The following PC variants were observed in gnomAD, a reference collection of about 807,000 sequenced individuals.
The protein encoded by PC is pyruvate carboxylase, also known as pyruvate carboxylase, mitochondrial.
Under a neutral mutation model 107.8 loss-of-function variants are expected in PC, and 46 were observed. The observed-to-expected ratio is 0.43, with a 90% CI of 0.34 to 0.55. PC has a LOEUF of 0.55. Ranked by LOEUF, PC falls within the 20% of genes least tolerant of loss-of-function variation. The pLI is 0.04. For missense variants in PC, 1,241 were observed against 1,643.1 expected (o/e 0.76, Z 4.23); for synonymous variants, 662 against 684.7 (o/e 0.97, Z 0.52).
intron 10 of PC, among the ~76,000 whole-genome samples, chr11:66,867,859 C>T (rs1946561120): frequency 1.3e-5 from 2 of 152,240 alleles, no homozygotes; most frequent in South Asian, 2.1e-4. Context: ...CCTCCATGCC[C>T]CCGGCGAGCC....
chr11:66,894,346 A>C (rs1324163941), intron 3 of PC, among the ~76,000 whole-genome samples: 1 of 151,436 alleles, frequency 6.6e-6, no homozygotes, highest in East Asian at 1.9e-4. Flanking sequence ...CCCTCAGAGC[A>C]CTCCCTCTAC....
At position 66,944,954 on chromosome 11, in the gene PC, C is replaced by A. The variant is rs1188924971; in HGVS notation, c.-1+7476G>T. Among the ~76,000 whole-genome samples, 2 of 117,744 alleles carry A rather than the reference C, an allele frequency of 1.7e-5. 1 individual carries two copies. Among genetic ancestry groups the A allele is most frequent in the Non-Finnish European group, 3.8e-5 (2 of 52,800 alleles). 77.2% of individuals were successfully genotyped at this position (117,744 alleles called of 152,430 possible). ...ATGCAATTCTGCATCTAGTTATCAT[C>A]CAAGACGCAGATTTCTAACAAGAAT... On this transcript the variant is annotated intron_variant, in intron 3 of 22. Coordinates refer to ENST00000393960, the MANE Select transcript of PC (RefSeq NM_001040716.2).
At chr11:66,853,477 T>TG in intron 12 of PC, 94 bp from the exon 13 acceptor site, 1 of 1,466,532 alleles carries the variant, frequency 6.8e-7, no homozygotes, top group Non-Finnish European at 9.5e-7. Flanking sequence ...CTGAAGATGC[T>TG]GCCCTGGGCC....
intron 3 of PC, among the ~76,000 whole-genome samples, chr11:66,891,909 A>C (rs1046082153): frequency 2.6e-5 from 4 of 152,106 alleles, no homozygotes; most frequent in African/African-American, 9.7e-5. Flanking sequence ...CTATTTTCTT[A>C]TGATTGTGGA....
rs751998175 is a variant in PC at position 66,850,333 on chromosome 11, C to T, written c.2605G>A (p.Gly869Ser). The change falls in exon 19 of 23, where the codon GGC becomes AGC. Residue 869 changes from glycine (G) to serine (S), a missense_variant. Coordinates refer to ENST00000393960, the MANE Select transcript of PC (RefSeq NM_001040716.2). ...SDVYENEIPG[G>S]QYTNLHFQAH... ...TGGAAGTGCAGGTTGGTGTACTGGC[C>T]CCCTGGGATCTCATTTTCATACACG... The T allele has an allele frequency of 3.7e-6, 6 of 1,614,100 alleles. No homozygotes were observed. The highest frequency in any genetic ancestry group is 2.2e-5 in the South Asian group (2 of 91,086).
intron 3 of PC, among the ~76,000 whole-genome samples, chr11:66,896,250 T>C (rs1298935254): frequency 6.6e-6 from 1 of 152,170 alleles, no homozygotes; most frequent in Non-Finnish European, 1.5e-5. Context: ...AGCTAATTTT[T>C]GTATTTTCAG....
chr11:66,887,653 C>T (rs893290290), intron 3 of PC, among the ~76,000 whole-genome samples: 1 of 152,164 alleles, frequency 6.6e-6, no homozygotes, highest in South Asian at 2.1e-4. Flanking sequence ...CCTGGGACTC[C>T]CGGAAGGGGA....
chr11:66,957,565 G>A (rs545551162), intron 1 of PC, among the ~76,000 whole-genome samples: 1 of 152,318 alleles, frequency 6.6e-6, no homozygotes, highest in East Asian at 1.9e-4. Context: ...GCAGTGAGCC[G>A]AGATCGCGCC....
At position 66,849,648 on chromosome 11, in the gene PC, A is replaced by T. The variant is rs140320331; in HGVS notation, c.3110T>A (p.Leu1037His). The change falls in exon 21 of 23, where the codon CTC (leucine) becomes CAC (histidine). Residue 1037 changes from leucine to histidine, a missense_variant. This residue lies in a region of PC where 1,143 missense variants were observed against 1,551.9 expected (regional missense o/e 0.74). Transcript: ENST00000393960. Reference protein sequence around the residue: ...FGPLDSLNTRLFLQGPKIAEE... With the variant: ...FGPLDSLNTRHFLQGPKIAEE... ...TGCGATCTTGGGTCCCTGCAGGAAGAGGCGAGTATTCAGGCTATCCAGGGG... is the reference window on the plus strand; with the variant it reads ...TGCGATCTTGGGTCCCTGCAGGAAGTGGCGAGTATTCAGGCTATCCAGGGG... The T allele has an allele frequency of 1.2e-5, 20 of 1,614,188 alleles. No homozygotes were observed. In the East Asian group the frequency reaches 4.2e-4, roughly 34 times the overall value.
chr11:66,931,384 G>GAA (rs60081578), intron 3 of PC, among the ~76,000 whole-genome samples: 30 of 84,952 alleles, frequency 3.5e-4, no homozygotes, highest in South Asian at 5.1e-4. Flanking sequence ...TCCATCTCAA[G>GAA]AAAAAAAAAA....
intron 3 of PC, among the ~76,000 whole-genome samples, chr11:66,898,733 T>G (rs2136035581): frequency 6.6e-6 from 1 of 152,306 alleles, no homozygotes; most frequent in South Asian, 2.1e-4. Context: ...CACAGATATG[T>G]GCATCTACCG....
intron 3 of PC, among the ~76,000 whole-genome samples, chr11:66,935,445 G>A (rs1948972500): frequency 6.6e-6 from 1 of 152,182 alleles, no homozygotes; most frequent in African/African-American, 2.4e-5. Context: ...CCCTGCCTTA[G>A]ATGGAGGTAG....
At chr11:66,859,830 G>A in intron 12 of PC, 1 of 1,575,250 alleles carries the variant, frequency 6.3e-7, no homozygotes, top group Non-Finnish European at 8.6e-7. Context: ...CCACGTGCTG[G>A]GCGGGACCCT....
intron 3 of PC, among the ~76,000 whole-genome samples, chr11:66,932,110 T>C (rs902449366): frequency 4.6e-5 from 7 of 151,968 alleles, no homozygotes; most frequent in African/African-American, 1.5e-4. Flanking sequence ...GACAAGATAA[T>C]TTAACCGGAA....
chr11:66,876,517 C>T (rs928796441), intron 3 of PC, among the ~76,000 whole-genome samples: 22 of 152,258 alleles, frequency 1.4e-4, no homozygotes, highest in African/African-American at 5.1e-4. Flanking sequence ...GTGCATGCCC[C>T]AGCACCTGCT....
rs1946705850 is a variant in PC at position 66,870,962 on chromosome 11, C to T, written c.634-70G>A. On this transcript the variant is annotated intron_variant, in intron 7 of 22. Coordinates refer to ENST00000393960, the MANE Select transcript of PC (RefSeq NM_001040716.2). This position sits in a 1 kb window ranked among gnomAD's most constrained non-coding sequence, Gnocchi z 6.1. ...GCTACCTCTCCCCTGCCATGAACCC[C>T]ACCCACTTTCCAGATCCCTTGAGTG... 1 of 1,606,636 alleles carries T rather than the reference C, an allele frequency of 6.2e-7. No homozygotes were observed. The highest frequency in any genetic ancestry group is 1.3e-5 in the African/African-American group (1 of 74,832).
At chr11:66,872,629 G>A (rs1246347065) in intron 3 of PC, among the ~76,000 whole-genome samples, 2 of 152,042 alleles carry the variant, frequency 1.3e-5, no homozygotes, top group Non-Finnish European at 2.9e-5. Flanking sequence ...CAGCTACTTG[G>A]GAGGCTGAGG....
chr11:66,946,744 G>C (rs1000712985), intron 3 of PC, among the ~76,000 whole-genome samples: 4 of 152,000 alleles, frequency 2.6e-5, no homozygotes, highest in Non-Finnish European at 4.4e-5. Flanking sequence ...AGCCACGATC[G>C]CATCAGTGCA....
chr11:66,873,593 G>A (rs1197242889), intron 3 of PC, among the ~76,000 whole-genome samples: 3 of 121,404 alleles, frequency 2.5e-5, no homozygotes, highest in Non-Finnish European at 5.0e-5. Flanking sequence ...ATCAACTGAC[G>A]ACAACTTATA....
Sources: gnomAD v4.1 joint callset for allele counts (sites outside exome capture counted in the v4.1 genomes callset) on GRCh38, gnomAD v4.1.1 for gene constraint, gnomAD v4.1.1 regional missense constraint, Gnocchi (gnomAD v3.1) non-coding constraint, MANE v1.5 for transcripts, NCBI Gene and HGNC (gene_info 2026-07-23, HGNC 2026-07-21) for gene names.